CNTN3: variants seen among roughly 807,000 people sequenced by gnomAD.
CNTN3 encodes the protein contactin 3, also known as contactin-3.
Under a neutral mutation model 119.1 loss-of-function variants are expected in CNTN3, and 60 were observed. That is an observed-to-expected ratio of 0.50 (90% confidence interval 0.41 to 0.62). The LOEUF is 0.62. Ranked by LOEUF, CNTN3 falls within the 20% of genes least tolerant of loss-of-function variation. The pLI is 0.00. For synonymous variants in CNTN3, 450 were observed against 438.7 expected, an observed-to-expected ratio of 1.03 and a Z score of -0.32; for missense variants, 1,101 against 1,242.4, an observed-to-expected ratio of 0.89 and a Z score of 1.71.
chr3:74,266,754 C>G, intron 21 of CNTN3, 105 bp from the exon 22 acceptor site: 1 of 949,640 alleles, frequency 1.1e-6, no homozygotes, highest in South Asian at 1.6e-5. Context: ...TCTATATCCA[C>G]TAGAATGTAA....
intron 5 of CNTN3, among the ~76,000 whole-genome samples, chr3:74,374,266 CCTT>C (rs1460419594): frequency 6.6e-6 from 1 of 151,334 alleles, no homozygotes; most frequent in Non-Finnish European, 1.5e-5. Context: ...CATTTCTGCT[CCTT>C]CACCTTTTTT....
intron 20 of CNTN3, among the ~76,000 whole-genome samples, chr3:74,269,184 A>G (rs1701719875): frequency 2.0e-5 from 3 of 152,264 alleles, no homozygotes; most frequent in Admixed American, 6.5e-5. Flanking sequence ...TAAAAAAATA[A>G]CTTGGTTTAA....
At chr3:74,474,557 G>A (rs1024107647) in intron 4 of CNTN3, among the ~76,000 whole-genome samples, 2 of 152,096 alleles carry the variant, frequency 1.3e-5, no homozygotes, top group East Asian at 1.9e-4. Context: ...GCAGTGGTAC[G>A]AACTCAGCTC....
At chr3:74,607,895 C>A (rs1705019456) in intron 1 of CNTN3, among the ~76,000 whole-genome samples, 1 of 152,046 alleles carries the variant, frequency 6.6e-6, no homozygotes, top group African/African-American at 2.4e-5. Context: ...TAGGGCTATA[C>A]ACATATTCAT....
intron 1 of CNTN3, among the ~76,000 whole-genome samples, chr3:74,610,103 G>A (rs538852907): frequency 8.5e-5 from 13 of 152,124 alleles, no homozygotes; most frequent in African/African-American, 2.9e-4. Flanking sequence ...TGGGCAGATC[G>A]TTTGAGTTCA....
intron 1 of CNTN3, among the ~76,000 whole-genome samples, chr3:74,572,049 T>C (rs573585562): frequency 1.4e-5 from 2 of 147,578 alleles, no homozygotes; most frequent in African/African-American, 5.0e-5. Flanking sequence ...ATCAACTGTT[T>C]TTCCAGGTCA....
rs529004035 is a variant in CNTN3 at position 74,331,116 on chromosome 3, C to T, written c.1668+3619G>A. On this transcript the variant is annotated intron_variant, in intron 13 of 22. Transcript: ENST00000263665. ...GTTTTCAGTAGTGTACAGCAATGTC[C>T]TAGCCTTCACCTTCACTCACCACTC... Among the ~76,000 whole-genome samples, 47 of 152,320 alleles carry T rather than the reference C, an allele frequency of 3.1e-4. 1 individual carries two copies. The South Asian group carries it at 9.3e-3, about 30-fold the overall frequency.
chr3:74,416,913 G>A (rs1025021536), intron 5 of CNTN3, among the ~76,000 whole-genome samples: 3 of 151,928 alleles, frequency 2.0e-5, no homozygotes, highest in African/African-American at 7.3e-5. Flanking sequence ...GCTTGAACCC[G>A]GGAGGTGGAG....
chr3:74,360,579 T>C (rs897627860), intron 11 of CNTN3, among the ~76,000 whole-genome samples: 1 of 152,192 alleles, frequency 6.6e-6, no homozygotes, highest in African/African-American at 2.4e-5. Flanking sequence ...CAATTTGTTC[T>C]CTTACAGTTC....
At chr3:74,481,213 A>C (rs1287756804) in intron 4 of CNTN3, among the ~76,000 whole-genome samples, 3 of 151,924 alleles carry the variant, frequency 2.0e-5, no homozygotes, top group African/African-American at 7.2e-5. Flanking sequence ...AGGCATCAGT[A>C]ATGATATAGG....
At chr3:74,407,722 A>C (rs1701359409) in intron 5 of CNTN3, among the ~76,000 whole-genome samples, 1 of 152,068 alleles carries the variant, frequency 6.6e-6, no homozygotes, top group African/African-American at 2.4e-5. Context: ...TCCTGACTTC[A>C]CCACAATGCA....
At chr3:74,436,952 A>G (rs1701876676) in intron 4 of CNTN3, among the ~76,000 whole-genome samples, 1 of 152,214 alleles carries the variant, frequency 6.6e-6, no homozygotes, top group African/African-American at 2.4e-5. Context: ...TTGGCACATT[A>G]CAAAACAAAA....
chr3:74,482,264 T>G (rs1386924929), intron 4 of CNTN3, among the ~76,000 whole-genome samples: 2 of 151,930 alleles, frequency 1.3e-5, no homozygotes, highest in Non-Finnish European at 2.9e-5. Flanking sequence ...TTTTTAAAAC[T>G]GCATAAACTC....
At chr3:74,596,865 T>G (rs1704821945) in intron 1 of CNTN3, among the ~76,000 whole-genome samples, 1 of 152,054 alleles carries the variant, frequency 6.6e-6, no homozygotes, top group Non-Finnish European at 1.5e-5. Flanking sequence ...TATTACTATT[T>G]AAGAGGCAGA....
At chr3:74,409,121 C>T (rs1701395535) in intron 5 of CNTN3, among the ~76,000 whole-genome samples, 2 of 152,124 alleles carry the variant, frequency 1.3e-5, no homozygotes, top group African/African-American at 2.4e-5. Context: ...AATAAGAAGG[C>T]CATTCACCTG....
At chr3:74,297,384 G>GA (rs72102148) in intron 18 of CNTN3, among the ~76,000 whole-genome samples, 59,942 of 143,888 alleles carry the variant, frequency 0.42, 12,359 homozygotes, top group South Asian at 0.6. Flanking sequence ...ATGCCCAGAA[G>GA]AAAAAAAAAA....
chr3:74,265,610 A>G (rs571336994), intron 22 of CNTN3, among the ~76,000 whole-genome samples: 56 of 152,228 alleles, frequency 3.7e-4, no homozygotes, highest in Admixed American at 3.7e-3. Context: ...TAGTCTAAGT[A>G]TGGCAGCCTT....
intron 1 of CNTN3, among the ~76,000 whole-genome samples, chr3:74,563,159 C>T (rs1000793121): frequency 6.6e-6 from 1 of 152,146 alleles, no homozygotes; most frequent in Non-Finnish European, 1.5e-5. Context: ...CATTCCGCCA[C>T]TCAACCCACA....
chr3:74,495,534 C>T (rs973630167), intron 3 of CNTN3, among the ~76,000 whole-genome samples: 1 of 151,816 alleles, frequency 6.6e-6, no homozygotes, highest in African/African-American at 2.4e-5. Flanking sequence ...ACTCTGTGTG[C>T]CTAGATATAT....
Sources: allele counts gnomAD v4.1 joint callset (sites outside exome capture counted in the v4.1 genomes callset), GRCh38; gene constraint gnomAD v4.1.1; transcripts MANE v1.5; gene names NCBI Gene and HGNC (gene_info 2026-07-23, HGNC 2026-07-21).